Variants in SIM1 observed in about 807,000 individuals in gnomAD.
SIM1 encodes single-minded homolog 1.
SIM1 carries 18 observed loss-of-function variants against 78.2 expected under a neutral mutation model. The observed-to-expected ratio is 0.23, with a 90% CI of 0.16 to 0.34. The LOEUF is 0.34. Ranked by LOEUF, SIM1 falls within the 10% of genes least tolerant of loss-of-function variation. The pLI is 1.00. For missense variants in SIM1, 939 were observed against 975.1 expected, an observed-to-expected ratio of 0.96 and a Z score of 0.49; for synonymous variants, 417 against 385.2, an observed-to-expected ratio of 1.08 and a Z score of -0.97.
chr6:100,437,795 A>G (rs541201807), intron 9 of SIM1, among the ~76,000 whole-genome samples: 8 of 152,338 alleles, frequency 5.3e-5, no homozygotes, highest in African/African-American at 1.9e-4. Flanking sequence ...AGAAATCACC[A>G]CATACAAAGA....
chr6:100,403,259 A>G (rs1770973334), intron 10 of SIM1, among the ~76,000 whole-genome samples: 1 of 152,214 alleles, frequency 6.6e-6, no homozygotes, highest in South Asian at 2.1e-4. Context: ...GAGGCTGGCA[A>G]GCAAAAAGCT....
In SIM1 at chr6:100,429,554, A is replaced by G. The variant is rs910794566; in HGVS notation, c.999-8596T>C. Among the ~76,000 whole-genome samples, 9 of 152,190 alleles carry G rather than the reference A, an allele frequency of 5.9e-5. 1 individual carries two copies. The highest frequency in any genetic ancestry group is 2.2e-4 in the African/African-American group (9 of 41,462). ...CCCTAATGACATAAAATATACCACA[A>G]TAAAGTAAAAAATTATCTCTCTTTG... On this transcript the variant is annotated intron_variant, in intron 9 of 11. Coordinates refer to ENST00000369208, the MANE Select transcript of SIM1 (RefSeq NM_005068.3).
chr6:100,448,057 C>T (rs929313655), intron 8 of SIM1, 89 bp downstream of exon 8: 1 of 1,097,852 alleles, frequency 9.1e-7, no homozygotes, highest in African/African-American at 1.5e-5. Flanking sequence ...CACCTGTCCT[C>T]TTGCGAGGGA....
At position 100,427,802 on chromosome 6, in the gene SIM1, C is replaced by T. The variant is rs1336945888; in HGVS notation, c.999-6844G>A. On this transcript the variant is annotated intron_variant, in intron 9 of 11. Coordinates refer to ENST00000369208, the MANE Select transcript of SIM1 (RefSeq NM_005068.3). ...CCTATACCATTCACTGCCTCAACCA[C>T]TCATCTAGCATTTCTAATGTTCTGT... Among the ~76,000 whole-genome samples, 4 of 152,208 alleles carry T rather than the reference C, an allele frequency of 2.6e-5. No individual in the cohort carries two copies. The East Asian group carries it at 7.7e-4, about 29-fold the overall frequency.
At chr6:100,409,043 T>A (rs1313939274) in intron 10 of SIM1, among the ~76,000 whole-genome samples, 3 of 152,102 alleles carry the variant, frequency 2.0e-5, no homozygotes, top group African/African-American at 4.8e-5. Flanking sequence ...TAGACTTTGT[T>A]TTGTTTGGGA....
intron 10 of SIM1, among the ~76,000 whole-genome samples, chr6:100,410,918 C>A (rs1465777546): frequency 6.6e-6 from 1 of 152,152 alleles, no homozygotes; most frequent in African/African-American, 2.4e-5. Flanking sequence ...TATGAAGGAA[C>A]ATGACCCTCA....
At chr6:100,458,642 C>T (rs905285754) in intron 2 of SIM1, among the ~76,000 whole-genome samples, 1 of 152,194 alleles carries the variant, frequency 6.6e-6, no homozygotes, top group African/African-American at 2.4e-5. Flanking sequence ...TTGGCTGGGG[C>T]CACCGCGGAC....
intron 9 of SIM1, 50 bp downstream of exon 9, chr6:100,447,218 G>A: frequency 6.3e-7 from 1 of 1,583,770 alleles, no homozygotes; most frequent in Non-Finnish European, 8.6e-7. Context: ...CACTCTCGCA[G>A]AGAGCAGGGT....
rs567024467 is a variant in SIM1, at chr6:100,419,626, G to GTTTGTT, written c.1167+1158_1167+1163dup. ...TGATGAATAAGTGACTCAGAAACCA[G>GTTTGTT]TTTGTTTTTGTTTTTGTTTTTGTTT... On this transcript the variant is annotated intron_variant, in intron 10 of 11. Transcript: ENST00000369208. Among the ~76,000 whole-genome samples, 493 of 152,122 alleles carry GTTTGTT rather than the reference G, an allele frequency of 3.2e-3. 2 individuals carry two copies. Among genetic ancestry groups the GTTTGTT allele is most frequent in the African/African-American group, 0.011 (440 of 41,502 alleles).
At chr6:100,415,184 A>G (rs1443666251) in intron 10 of SIM1, among the ~76,000 whole-genome samples, 1 of 152,248 alleles carries the variant, frequency 6.6e-6, no homozygotes, top group Non-Finnish European at 1.5e-5. Flanking sequence ...AAACTCTGGA[A>G]TGAGGAGGCA....
rs759759277 is a variant in SIM1, at chr6:100,447,414, C to A, written c.852G>T (p.Leu284=). ...TFHLRCAHHL[L]LVKGQVTTKY... ...TGGTGGTCACCTGTCCCTTCACCAG[C>A]ACTGACGGAGAGACAGGAGGCAGAT... Residue 284 remains leucine (L), a splice_region_variant and synonymous_variant, in exon 9 of 12, where the codon CTG becomes CTT. Coordinates refer to ENST00000369208, the MANE Select transcript of SIM1 (RefSeq NM_005068.3). 5 of 1,614,210 alleles carry A rather than the reference C, an allele frequency of 3.1e-6. No individual in the cohort carries two copies. The South Asian group carries it at 5.5e-5, about 18-fold the overall frequency.
In SIM1 at chr6:100,449,619, A is replaced by G. The variant is rs750995629; in HGVS notation, c.429T>C (p.His143=). The G allele has an allele frequency of 6.2e-7, 1 of 1,613,966 alleles. No homozygotes were observed. The highest frequency in any genetic ancestry group is 1.1e-5 in the South Asian group (1 of 91,080). The change falls in exon 5 of 12, where the codon CAT becomes CAC. Residue 143 remains histidine, a synonymous_variant. Transcript: ENST00000369208. ...HDEMTAVLTA[H]QPYHSHFVQE... ...GCACGAAGTGAGAGTGGTAGGGTTG[A>G]TGGGCGGTGAGCACCGCCGTCATCT...
chr6:100,393,582 G>C lies in SIM1; in HGVS notation c.1475C>G (p.Ser492Cys), dbSNP rs1770694208. ...CTTTGTCAGGGGCAAGGCTGCGCGA[G>C]AGCCCCACCAGGGCTCCCTCCCGGC... ...PQAGREPWWG[S>C]RAALPLTKAS... The change falls in exon 11 of 12, where the codon TCT (serine) becomes TGT (cysteine). Residue 492 changes from serine (S) to cysteine (C), a missense_variant. Ser to Cys is a moderately radical substitution (Grantham distance 112). Around this residue, in one of 5 missense-constraint regions of SIM1, gnomAD observed 556 missense variants for 521.9 expected, o/e 1.07. Transcript: ENST00000369208. 2.5e-6 allele frequency: 4 copies of C among 1,613,578 alleles called. No homozygotes were observed. The East Asian group carries it at 8.9e-5, about 36-fold the overall frequency.
intron 6 of SIM1, among the ~76,000 whole-genome samples, chr6:100,449,150 T>A (rs527738443): frequency 6.6e-6 from 1 of 152,206 alleles, no homozygotes; most frequent in Non-Finnish European, 1.5e-5. Flanking sequence ...CACCCAGTAT[T>A]GGGACCCAGT....
chr6:100,464,541 C>T (rs908714089), intron 1 of SIM1, 73 bp downstream of exon 1: 1 of 152,106 alleles, frequency 6.6e-6, no homozygotes, highest in Non-Finnish European at 1.5e-5. Context: ...TGGGAGGCGC[C>T]GCGGCCTCTC....
chr6:100,440,088 A>G (rs1772168802), intron 9 of SIM1, among the ~76,000 whole-genome samples: 2 of 152,238 alleles, frequency 1.3e-5, no homozygotes, highest in South Asian at 4.1e-4. Flanking sequence ...TTTAGTTGAC[A>G]TTACATAATT....
chr6:100,430,051 A>T (rs1191682860), intron 9 of SIM1, among the ~76,000 whole-genome samples: 1 of 152,190 alleles, frequency 6.6e-6, no homozygotes, highest in Admixed American at 6.5e-5. Context: ...TTAGGAGAAT[A>T]TAATTTAAAT....
At chr6:100,432,539 T>A (rs185898504) in intron 9 of SIM1, among the ~76,000 whole-genome samples, 1 of 151,960 alleles carries the variant, frequency 6.6e-6, no homozygotes, top group Admixed American at 6.6e-5. Flanking sequence ...CTTCACACTT[T>A]CCCCAAGGCG....
Position 100,385,226 on chromosome 6 carries a change from C to T in SIM1, c.*5135G>A, listed in dbSNP as rs1770490345. On this transcript the variant is annotated 3_prime_UTR_variant, in exon 12 of 12. Coordinates refer to ENST00000369208, the MANE Select transcript of SIM1 (RefSeq NM_005068.3). ...ATTACAGCTTTATACTACAATGTCA[C>T]TAAAAACTATACATTGCAAGACGGT... The T allele has an allele frequency of 6.6e-6, 1 of 151,990 alleles. No individual in the cohort carries two copies. Among genetic ancestry groups the T allele is most frequent in the African/African-American group, 2.4e-5 (1 of 41,398 alleles). The allele number at this position is 151,990 out of a possible 1,614,324, so 9.4% of individuals were successfully genotyped here. A position where few individuals can be genotyped will look rare whatever the true frequency, so the allele number is the denominator to read the frequency against.
Sources: gnomAD v4.1 joint callset for allele counts (sites outside exome capture counted in the v4.1 genomes callset) on GRCh38, gnomAD v4.1.1 for gene constraint, gnomAD v4.1.1 regional missense constraint, MANE v1.5 for transcripts, NCBI Gene and HGNC (gene_info 2026-07-23, HGNC 2026-07-21) for gene names.